Variants in ANKRD31 observed in about 807,000 individuals in gnomAD.
ANKRD31 encodes ankyrin repeat domain 31.
A neutral mutation model predicts 186.0 loss-of-function variants in ANKRD31; 147 were observed. The observed-to-expected ratio is 0.79, with a 90% CI of 0.69 to 0.91. The LOEUF (loss-of-function observed/expected upper bound fraction) is 0.91. Among genes scored for constraint, ANKRD31 ranks in the 40% least tolerant of loss-of-function variants. ANKRD31 has a pLI of 0.00. For missense variants in ANKRD31, 1,986 were observed against 2,148.8 expected (o/e 0.92, Z 1.50); for synonymous variants, 673 against 736.4 (o/e 0.91, Z 1.39).
At chr5:75,135,396 T>G (rs1322634656) in intron 17 of ANKRD31, among the ~76,000 whole-genome samples, 1 of 152,192 alleles carries the variant, frequency 6.6e-6, no homozygotes, top group African/African-American at 2.4e-5. Flanking sequence ...AGCCAAATCA[T>G]GAGTGAACTC....
intron 17 of ANKRD31, among the ~76,000 whole-genome samples, chr5:75,126,935 C>T (rs1339394168): frequency 6.6e-6 from 1 of 152,120 alleles, no homozygotes; most frequent in Non-Finnish European, 1.5e-5. Flanking sequence ...TAAAAATCAA[C>T]TAATTGGGAG....
intron 17 of ANKRD31, among the ~76,000 whole-genome samples, chr5:75,131,275 T>C (rs1749793070): frequency 1.3e-5 from 2 of 152,188 alleles, no homozygotes; most frequent in African/African-American, 4.8e-5. Flanking sequence ...CAAGAGTGGA[T>C]GCCGAGGCCG....
At position 75,146,659 on chromosome 5, in the gene ANKRD31, C is replaced by A; in HGVS notation, c.2752G>T (p.Val918Leu). The change falls in exon 14 of 26, where the codon GTG becomes TTG. Residue 918 changes from valine (V) to leucine (L), a missense_variant. Physicochemically the swap from Val to Leu is conservative, Grantham distance 32. Coordinates refer to ENST00000506364, the MANE Select transcript of ANKRD31 (RefSeq NM_001372053.1). Reference sequence around the variant, plus strand: ...TTTTTGCCACCTGTAGAACACAACACCTTTTTAGATGTTATAGCCTTCTCA... The same window carrying A: ...TTTTTGCCACCTGTAGAACACAACAACTTTTTAGATGTTATAGCCTTCTCA... ...TSEKAITSKK[V>L]LCSTGGKKHY... 1 of 1,535,982 alleles carries A rather than the reference C, an allele frequency of 6.5e-7. No homozygotes were observed. Among genetic ancestry groups the A allele is most frequent in the South Asian group, 1.2e-5 (1 of 84,004 alleles).
At chr5:75,147,539 T>C in intron 13 of ANKRD31, 34 bp from the exon 14 acceptor site, 1 of 1,300,370 alleles carries the variant, frequency 7.7e-7, no homozygotes, top group Admixed American at 3.0e-5. Context: ...AGCTTTAATT[T>C]TCAGCGGTAG....
chr5:75,080,775 A>C (rs914257177), intron 24 of ANKRD31, 136 bp from the exon 25 acceptor site: 7 of 478,852 alleles, frequency 1.5e-5, no homozygotes, highest in Non-Finnish European at 2.5e-5. Flanking sequence ...ATGATTTAAA[A>C]AATAAAATAA....
At chr5:75,215,001 C>T (rs1317695338) in intron 3 of ANKRD31, among the ~76,000 whole-genome samples, 1 of 152,130 alleles carries the variant, frequency 6.6e-6, no homozygotes, top group East Asian at 1.9e-4. Flanking sequence ...CTGGCAAGTG[C>T]AAATATGCAG....
rs143293229 is a variant in ANKRD31, at chr5:75,188,479, T to C, written c.1564+14A>G. 1.5e-3 allele frequency: 2,348 copies of C among 1,531,258 alleles called. 2 individuals are homozygous for C. The highest frequency in any genetic ancestry group is 1.9e-3 in the Non-Finnish European group (2,131 of 1,144,380). The allele number at this position is 1,531,258 out of a possible 1,614,324, so 94.9% of individuals were successfully genotyped here. A position where few individuals can be genotyped will look rare whatever the true frequency, so the allele number is the denominator to read the frequency against. ...CCACTCTTAAGGTAACTGTGGGTGGTAATCCTAACTTACCAGCATAACTTG... is the reference window on the plus strand; with the variant it reads ...CCACTCTTAAGGTAACTGTGGGTGGCAATCCTAACTTACCAGCATAACTTG... On this transcript the variant is annotated intron_variant, in intron 10 of 25. Coordinates refer to ENST00000506364, the MANE Select transcript of ANKRD31 (RefSeq NM_001372053.1).
intron 15 of ANKRD31, among the ~76,000 whole-genome samples, chr5:75,142,116 C>T (rs2150137036): frequency 6.6e-6 from 1 of 152,158 alleles, no homozygotes; most frequent in African/African-American, 2.4e-5. Context: ...GATTTCTCTC[C>T]ATTATGTGAC....
At chr5:75,151,781 A>G (rs889774528) in intron 12 of ANKRD31, among the ~76,000 whole-genome samples, 1 of 152,018 alleles carries the variant, frequency 6.6e-6, no homozygotes, top group African/African-American at 2.4e-5. Context: ...CAAGATAGAT[A>G]TGTAATATCT....
chr5:75,211,131 C>T (rs963719092), intron 3 of ANKRD31, among the ~76,000 whole-genome samples: 1 of 152,120 alleles, frequency 6.6e-6, no homozygotes, highest in African/African-American at 2.4e-5. Context: ...AGTGAAACTC[C>T]ATGCTCATTA....
At chr5:75,101,124 T>C (rs4499813) in intron 22 of ANKRD31, among the ~76,000 whole-genome samples, 32,385 of 152,156 alleles carry the variant, frequency 0.21, 3,631 homozygotes, top group South Asian at 0.39. Flanking sequence ...GGCCTGGTGG[T>C]GACAAAATCT....
intron 10 of ANKRD31, among the ~76,000 whole-genome samples, chr5:75,187,119 TGTGTG>T (rs1754785773): frequency 8.5e-6 from 1 of 118,012 alleles, no homozygotes; most frequent in Non-Finnish European, 1.9e-5. Flanking sequence ...TTTGTGTGTG[TGTGTG>T]TGTGTGTGTG....
intron 2 of ANKRD31, among the ~76,000 whole-genome samples, chr5:75,226,161 A>G (rs1028901843): frequency 6.6e-6 from 1 of 152,124 alleles, no homozygotes; most frequent in Non-Finnish European, 1.5e-5. Flanking sequence ...ATACCACGTA[A>G]ATTTCTAAGG....
At chr5:75,204,728 T>C (rs1408078661) in intron 5 of ANKRD31, among the ~76,000 whole-genome samples, 2 of 152,222 alleles carry the variant, frequency 1.3e-5, no homozygotes, top group Non-Finnish European at 2.9e-5. Flanking sequence ...TACTGTGTGA[T>C]GGGCCTTCCT....
In ANKRD31 at chr5:75,083,557, C is replaced by T. The variant is rs1034200589; in HGVS notation, c.5575+715G>A. ...CAGCCTGGCTAACATGGTGAAACCC[C>T]GTCTCCACTAAAACTACAAAAAATT... On this transcript the variant is annotated intron_variant, in intron 24 of 25. Transcript: ENST00000506364. Among the ~76,000 whole-genome samples, 9 of 152,104 alleles carry T rather than the reference C, an allele frequency of 5.9e-5. 1 individual carries two copies. Among genetic ancestry groups the T allele is most frequent in the East Asian group, 1.9e-4 (1 of 5,164 alleles).
chr5:75,110,719 C>T (rs1255852250), intron 20 of ANKRD31, among the ~76,000 whole-genome samples: 1 of 146,732 alleles, frequency 6.8e-6, no homozygotes, highest in Non-Finnish European at 1.5e-5. Flanking sequence ...AAAAAAAAAG[C>T]ACCACTAATA....
chr5:75,128,226 G>A (rs565309334), intron 17 of ANKRD31, among the ~76,000 whole-genome samples: 1 of 151,334 alleles, frequency 6.6e-6, no homozygotes, highest in East Asian at 2.0e-4. Context: ...CATGGACACA[G>A]GGAGGGGAAC....
At chr5:75,112,742 C>T in intron 19 of ANKRD31, 142 bp from the exon 20 acceptor site, 1 of 500,626 alleles carries the variant, frequency 2.0e-6, no homozygotes, top group Admixed American at 3.9e-5. Flanking sequence ...AAAATGTACT[C>T]ATACGTTGTA....
chr5:75,230,710 T>C (rs1256654485), intron 1 of ANKRD31, 75 bp from the exon 2 acceptor site: 23 of 1,123,350 alleles, frequency 2.0e-5, no homozygotes, highest in Non-Finnish European at 2.9e-5. Context: ...CCCATCATTT[T>C]TATTATACCA....
Sources: allele counts gnomAD v4.1 joint callset (sites outside exome capture counted in the v4.1 genomes callset), GRCh38; gene constraint gnomAD v4.1.1; transcripts MANE v1.5; gene names NCBI Gene and HGNC (gene_info 2026-07-23, HGNC 2026-07-21).